CLEC6A: variants seen among roughly 807,000 people sequenced by gnomAD.
CLEC6A encodes the protein C-type lectin domain containing 6A.
In CLEC6A, 22 loss-of-function variants were observed where a neutral mutation model predicts 25.7. The ratio of observed to expected loss-of-function variants is 0.85; its 90% CI spans 0.61 to 1.22. The LOEUF is 1.22. CLEC6A is among the 50% of genes most tolerant of loss of function. The pLI, the probability that CLEC6A is intolerant of heterozygous loss-of-function variation, is 0.00. For synonymous variants in CLEC6A, 92 were observed against 76.7 expected (o/e 1.20, Z -1.04); for missense variants, 240 against 236.8 (o/e 1.01, Z -0.09).
intron 2 of CLEC6A, among the ~76,000 whole-genome samples, chr12:8,459,317 G>A (rs752288693): frequency 6.6e-6 from 1 of 152,188 alleles, no homozygotes; most frequent in Non-Finnish European, 1.5e-5. Flanking sequence ...CCTTTAAGTT[G>A]TGTTTGTGAT....
chr12:8,476,425 A>G (rs1053380490), intron 5 of CLEC6A, among the ~76,000 whole-genome samples, 185 bp downstream of exon 5: 1 of 152,174 alleles, frequency 6.6e-6, no homozygotes, highest in African/African-American at 2.4e-5. Flanking sequence ...AATTTTACAG[A>G]TAAAAAATTA....
At chr12:8,472,855 G>A (rs1939924410) in intron 4 of CLEC6A, among the ~76,000 whole-genome samples, 1 of 152,048 alleles carries the variant, frequency 6.6e-6, no homozygotes, top group South Asian at 2.1e-4. Context: ...CTGTTACCCA[G>A]GTCCTAAGTG....
At chr12:8,470,151 G>T (rs1939886390) in intron 4 of CLEC6A, among the ~76,000 whole-genome samples, 1 of 152,040 alleles carries the variant, frequency 6.6e-6, no homozygotes, top group South Asian at 2.1e-4. Flanking sequence ...CTCTAAAGAA[G>T]ATATACAAAT....
rs1939929579 is a variant in CLEC6A, at chr12:8,473,278, G to GTA, written c.370-2847_370-2846insTA. Among the ~76,000 whole-genome samples, 2 of 8,230 alleles carry GTA rather than the reference G, an allele frequency of 2.4e-4. 1 individual carries two copies. Among genetic ancestry groups the GTA allele is most frequent in the Non-Finnish European group, 8.1e-4 (2 of 2,462 alleles). The allele number at this position is 8,230 out of a possible 152,430, so 5.4% of individuals were successfully genotyped here. ...CAAAGTGCTGGGATTACAGGCGTGAGCCACCGCGCCCGGCCAGCTCCTACT... is the reference window on the plus strand; with the variant it reads ...CAAAGTGCTGGGATTACAGGCGTGAGTACCACCGCGCCCGGCCAGCTCCTACT... On this transcript the variant is annotated intron_variant, in intron 4 of 5. Transcript: ENST00000382073.
chr12:8,477,209 G>A (rs964476904), intron 5 of CLEC6A, 111 bp from the exon 6 acceptor site: 1 of 770,270 alleles, frequency 1.3e-6, no homozygotes, highest in Non-Finnish European at 2.1e-6. Flanking sequence ...AACAATCATT[G>A]GAATGTTCTC....
At chr12:8,464,675 G>A (rs1466235088) in intron 3 of CLEC6A, among the ~76,000 whole-genome samples, 1 of 151,964 alleles carries the variant, frequency 6.6e-6, no homozygotes, top group African/African-American at 2.4e-5. Flanking sequence ...TACTATTTAG[G>A]CATACATATA....
intron 4 of CLEC6A, among the ~76,000 whole-genome samples, chr12:8,471,446 A>G (rs1939905743): frequency 6.6e-6 from 1 of 152,000 alleles, no homozygotes; most frequent in Non-Finnish European, 1.5e-5. Flanking sequence ...TTTTGATTAC[A>G]GATTAATTTC....
intron 3 of CLEC6A, chr12:8,461,279 A>T: frequency 3.5e-6 from 2 of 566,436 alleles, no homozygotes; most frequent in Admixed American, 3.0e-5. Context: ...AATTTAGGAC[A>T]GTCAAAAAAA....
intron 3 of CLEC6A, chr12:8,460,781 C>A: frequency 7.4e-7 from 1 of 1,350,396 alleles, no homozygotes; most frequent in Non-Finnish European, 1.1e-6. Flanking sequence ...GGCTACAAGG[C>A]CAAACAAGGT....
intron 4 of CLEC6A, among the ~76,000 whole-genome samples, chr12:8,473,506 T>G (rs1366012817): frequency 1.3e-5 from 2 of 152,206 alleles, no homozygotes; most frequent in East Asian, 3.8e-4. Context: ...ATTCCATGTT[T>G]TTACTATTGG....
At chr12:8,461,926 TA>T (rs1939761378) in intron 3 of CLEC6A, among the ~76,000 whole-genome samples, 1 of 152,190 alleles carries the variant, frequency 6.6e-6, no homozygotes, top group African/African-American at 2.4e-5. Flanking sequence ...CAATACAGTT[TA>T]ATTTTGTGGG....
intron 4 of CLEC6A, among the ~76,000 whole-genome samples, chr12:8,474,940 T>A (rs1010427512): frequency 6.6e-6 from 1 of 152,166 alleles, no homozygotes; most frequent in African/African-American, 2.4e-5. Context: ...ACGTGCAGGT[T>A]TGTTACATAG....
At position 8,477,397 on chromosome 12, in the gene CLEC6A, G is replaced by T. The variant is rs147949525; in HGVS notation, c.563G>T (p.Gly188Val). 75 of 1,611,984 alleles carry T rather than the reference G, an allele frequency of 4.7e-5. No individual in the cohort carries two copies. The highest frequency in any genetic ancestry group is 4.1e-4 in the South Asian group (37 of 90,944). The stretch of plus-strand genomic sequence containing the variant: ...GTCTTCTGGAAACCTACAGGATGGG[G>T]CTGGAATGATGTTATCTGTGAAACT... ...SIVFWKPTGW[G>V]WNDVICETRR... is the part of the protein sequence containing the mutation. The change falls in exon 6 of 6, where the codon GGC (glycine) becomes GTC (valine). Residue 188 changes from glycine (G) to valine (V), a missense_variant. Coordinates refer to ENST00000382073, the MANE Select transcript of CLEC6A (RefSeq NM_001007033.2).
chr12:8,477,074 G>T (rs1939985310), intron 5 of CLEC6A, among the ~76,000 whole-genome samples: 1 of 152,100 alleles, frequency 6.6e-6, no homozygotes, highest in African/African-American at 2.4e-5. Flanking sequence ...AGAGGAAGAT[G>T]ATTGCAGCGG....
At chr12:8,459,570 A>T (rs1307794254) in intron 2 of CLEC6A, 27 bp from the exon 3 acceptor site, 1 of 1,398,772 alleles carries the variant, frequency 7.1e-7, no homozygotes, top group Non-Finnish European at 1.0e-6. Flanking sequence ...TAATAGATGG[A>T]CACTAATCCT....
rs776471374 is a variant in CLEC6A at position 8,465,639 on chromosome 12, C to T, written c.369+10C>T. 5 of 1,593,744 alleles carry T rather than the reference C, an allele frequency of 3.1e-6. No individual in the cohort carries two copies. The highest frequency in any genetic ancestry group is 3.4e-4 in the Middle Eastern group (2 of 5,948). On this transcript the variant is annotated intron_variant, in intron 4 of 5. Transcript: ENST00000382073. The stretch of plus-strand genomic sequence containing the variant: ...CACAGAAGCAGAGCAGGTACTGTTT[C>T]CATTTAAAATTTATTTAATTGTAGA...
intron 3 of CLEC6A, chr12:8,460,573 G>A: frequency 1.1e-6 from 1 of 949,920 alleles, no homozygotes; most frequent in Non-Finnish European, 1.7e-6. Flanking sequence ...TCATGGAAAA[G>A]GGGAAGAGCC....
At chr12:8,464,567 C>T (rs1292960494) in intron 3 of CLEC6A, among the ~76,000 whole-genome samples, 12 of 152,086 alleles carry the variant, frequency 7.9e-5, no homozygotes, top group Admixed American at 7.2e-4. Flanking sequence ...CTCCTGACCT[C>T]GTGATCCGCC....
intron 3 of CLEC6A, among the ~76,000 whole-genome samples, chr12:8,462,057 C>A (rs750460936): frequency 1.3e-5 from 2 of 152,162 alleles, no homozygotes; most frequent in Non-Finnish European, 2.9e-5. Flanking sequence ...TAATCTGTAG[C>A]CTTACCCCCA....
Sources: gnomAD v4.1 joint callset for allele counts (sites outside exome capture counted in the v4.1 genomes callset) on GRCh38, gnomAD v4.1.1 for gene constraint, MANE v1.5 for transcripts, NCBI Gene and HGNC (gene_info 2026-07-23, HGNC 2026-07-21) for gene names.